VWA5A: variants seen among roughly 807,000 people sequenced by gnomAD.
VWA5A encodes the protein von Willebrand factor A domain containing 5A, also known as von Willebrand factor A domain-containing protein 5A.
VWA5A carries 77 observed loss-of-function variants against 84.6 expected under a neutral mutation model. The observed-to-expected ratio is 0.91, with a 90% CI of 0.76 to 1.10. VWA5A has a LOEUF of 1.10. VWA5A is among the 50% of genes least tolerant of loss of function. VWA5A has a pLI of 0.00. For synonymous variants in VWA5A, 334 were observed against 350.1 expected, an observed-to-expected ratio of 0.95 and a Z score of 0.51; for missense variants, 973 against 963.0, an observed-to-expected ratio of 1.01 and a Z score of -0.14.
intron 7 of VWA5A, among the ~76,000 whole-genome samples, chr11:124,121,243 A>T (rs1311431410): frequency 6.6e-6 from 1 of 152,164 alleles, no homozygotes; most frequent in Non-Finnish European, 1.5e-5. Flanking sequence ...AATTAAATTT[A>T]TAATTTAATT....
intron 15 of VWA5A, among the ~76,000 whole-genome samples, chr11:124,139,432 A>G (rs1860683767): frequency 6.6e-6 from 1 of 152,138 alleles, no homozygotes; most frequent in African/African-American, 2.4e-5. Context: ...AACATGAGAT[A>G]TCTTTACATT....
At chr11:124,122,879 G>T in intron 7 of VWA5A, 81 bp from the exon 8 acceptor site, 1 of 1,396,364 alleles carries the variant, frequency 7.2e-7, no homozygotes, top group Non-Finnish European at 9.7e-7. Flanking sequence ...GCTCTTAATT[G>T]AATTCACTAC....
chr11:124,137,489 A>G (rs1860632595), intron 15 of VWA5A, among the ~76,000 whole-genome samples: 1 of 152,216 alleles, frequency 6.6e-6, no homozygotes. Context: ...GAAAACAAAA[A>G]ACAAACATTA....
intron 14 of VWA5A, 78 bp from the exon 15 acceptor site, chr11:124,136,937 T>G: frequency 6.5e-7 from 1 of 1,532,346 alleles, no homozygotes; most frequent in Non-Finnish European, 8.7e-7. Context: ...CTTCTATTCC[T>G]AACTTTTAGG....
chr11:124,139,499 T>C (rs910474986), intron 15 of VWA5A, among the ~76,000 whole-genome samples: 7 of 152,182 alleles, frequency 4.6e-5, no homozygotes, highest in African/African-American at 1.7e-4. Flanking sequence ...AGTATAGAGA[T>C]GTTTTACCTC....
At chr11:124,117,267 C>G (rs1014247502) in intron 2 of VWA5A, 6 of 575,874 alleles carry the variant, frequency 1.0e-5, no homozygotes, top group Non-Finnish European at 1.8e-5. Context: ...TCAGAGATTT[C>G]CTGTTTAGTA....
chr11:124,140,154 T>C (rs1172083701), intron 15 of VWA5A, among the ~76,000 whole-genome samples: 1 of 152,370 alleles, frequency 6.6e-6, no homozygotes, highest in East Asian at 1.9e-4. Context: ...TAATGATGCA[T>C]GATCATTTTA....
chr11:124,123,500 A>G, intron 9 of VWA5A, 46 bp downstream of exon 9: 1 of 1,607,012 alleles, frequency 6.2e-7, no homozygotes, highest in Non-Finnish European at 8.5e-7. Context: ...GAGACTTTAA[A>G]GAAAGGGACT....
Position 124,145,467 on chromosome 11 carries a change from G to C in VWA5A, c.2281+104G>C, listed in dbSNP as rs1019194111. ...CACCTGCCTCCACCATCCTGCTTCA[G>C]ATCTTTACTAATCTTTCTGCTAGTT... On this transcript the variant is annotated intron_variant, in intron 18 of 18. Transcript: ENST00000456829. 10 of 1,409,730 alleles carry C rather than the reference G, an allele frequency of 7.1e-6. No individual in the cohort carries two copies. The African/African-American group carries it at 1.4e-4, about 20-fold the overall frequency. 87.3% of individuals were successfully genotyped at this position (1,409,730 alleles called of 1,614,324 possible). A position where few individuals can be genotyped will look rare whatever the true frequency, so the allele number is the denominator to read the frequency against.
At chr11:124,115,837 A>G (rs1864819269) in intron 1 of VWA5A, 1 of 152,150 alleles carries the variant, frequency 6.6e-6, no homozygotes, top group South Asian at 2.1e-4. Flanking sequence ...TGAGGAAATG[A>G]GGCTGTAAGC....
chr11:124,145,183 G>T, intron 17 of VWA5A, 54 bp from the exon 18 acceptor site: 2 of 1,550,282 alleles, frequency 1.3e-6, no homozygotes, highest in South Asian at 1.2e-5. Flanking sequence ...GAAGCTTTTT[G>T]CATCCTTTTG....
intron 12 of VWA5A, 51 bp from the exon 13 acceptor site, chr11:124,136,078 C>A: frequency 3.2e-6 from 5 of 1,577,758 alleles, no homozygotes; most frequent in Non-Finnish European, 4.3e-6. Flanking sequence ...TTAATTGTAG[C>A]TGCCATTGTC....
chr11:124,133,168 G>A (rs905526689), intron 11 of VWA5A, among the ~76,000 whole-genome samples: 1 of 152,106 alleles, frequency 6.6e-6, no homozygotes, highest in Non-Finnish European at 1.5e-5. Context: ...GATAGACTGG[G>A]AACAGATAAT....
At chr11:124,124,585 T>C in intron 11 of VWA5A, 10 of 1,158,332 alleles carry the variant, frequency 8.6e-6, no homozygotes, top group Non-Finnish European at 1.1e-5. Flanking sequence ...TTTTTTACTA[T>C]AAACATTTTT....
intron 11 of VWA5A, among the ~76,000 whole-genome samples, chr11:124,128,599 T>G (rs1865053204): frequency 6.6e-6 from 1 of 152,210 alleles, no homozygotes; most frequent in African/African-American, 2.4e-5. Context: ...CAATATTGAT[T>G]CTTCCTATCC....
rs1209448280 is a variant in VWA5A, at chr11:124,119,148, A to G, written c.760+59A>G. 6.2e-6 allele frequency: 9 copies of G among 1,441,894 alleles called. No individual in the cohort carries two copies. In the East Asian group the frequency reaches 1.9e-4, roughly 30 times the overall value. 89.3% of individuals were successfully genotyped at this position (1,441,894 alleles called of 1,614,324 possible). A position where few individuals can be genotyped will look rare whatever the true frequency, so the allele number is the denominator to read the frequency against. Reference sequence around the variant, plus strand: ...AGGGGCAACTCCCTGTCTTGGAATTACTGTCGAATTACTCTCTTTTCTTTC... The same window carrying G: ...AGGGGCAACTCCCTGTCTTGGAATTGCTGTCGAATTACTCTCTTTTCTTTC... On this transcript the variant is annotated intron_variant, in intron 7 of 18. Transcript: ENST00000456829.
intron 17 of VWA5A, among the ~76,000 whole-genome samples, chr11:124,143,973 G>A (rs776735796): frequency 1.1e-4 from 16 of 151,918 alleles, no homozygotes; most frequent in African/African-American, 1.5e-4. Context: ...AACCTATGGC[G>A]CTGAATGATG....
chr11:124,120,927 C>T (rs1304443608), intron 7 of VWA5A, among the ~76,000 whole-genome samples: 3 of 152,162 alleles, frequency 2.0e-5, no homozygotes, highest in Non-Finnish European at 4.4e-5. Flanking sequence ...ATTTTCTCAT[C>T]TAGTCCCCAT....
chr11:124,124,805 T>C (rs891214327), intron 11 of VWA5A: 1 of 153,140 alleles, frequency 6.5e-6, no homozygotes, highest in African/African-American at 2.4e-5. Context: ...TTTATGCTTG[T>C]TTTTGAATGA....
Sources: allele counts gnomAD v4.1 joint callset (sites outside exome capture counted in the v4.1 genomes callset), GRCh38; gene constraint gnomAD v4.1.1; transcripts MANE v1.5; gene names NCBI Gene and HGNC (gene_info 2026-07-23, HGNC 2026-07-21).